Variants in CACNB2 observed in about 807,000 individuals in gnomAD.
The protein encoded by CACNB2 is calcium voltage-gated channel auxiliary subunit beta 2.
A neutral mutation model predicts 73.3 loss-of-function variants in CACNB2; 42 were observed. That is an observed-to-expected ratio of 0.57 (90% CI 0.45 to 0.74). CACNB2 has a LOEUF of 0.74. Ranked by LOEUF, CACNB2 falls within the 30% of genes least tolerant of loss-of-function variation. The pLI, the probability that CACNB2 is intolerant of heterozygous loss-of-function variation, is 0.00. For missense variants in CACNB2, 940 were observed against 853.0 expected, an observed-to-expected ratio of 1.10 and a Z score of -1.27; for synonymous variants, 348 against 310.3, an observed-to-expected ratio of 1.12 and a Z score of -1.28.
intron 2 of CACNB2, among the ~76,000 whole-genome samples, chr10:18,381,640 A>G (rs2043022401): frequency 6.6e-6 from 1 of 151,044 alleles, no homozygotes; most frequent in Non-Finnish European, 1.5e-5. Flanking sequence ...GTGAGCCGAG[A>G]TCAGGCCACT....
intron 2 of CACNB2, among the ~76,000 whole-genome samples, chr10:18,236,374 C>G (rs1235738596): frequency 1.3e-5 from 2 of 152,238 alleles, no homozygotes; most frequent in South Asian, 4.1e-4. Flanking sequence ...ATGGACATCT[C>G]TGTATTGATG....
intron 3 of CACNB2, among the ~76,000 whole-genome samples, chr10:18,442,479 G>A (rs551715313): frequency 6.6e-6 from 1 of 151,928 alleles, no homozygotes; most frequent in Admixed American, 6.5e-5. Flanking sequence ...CTCAGGCAGA[G>A]TAATCGTATT....
chr10:18,325,550 C>A (rs1012033810), intron 2 of CACNB2, among the ~76,000 whole-genome samples: 3 of 151,446 alleles, frequency 2.0e-5, no homozygotes, highest in Non-Finnish European at 4.4e-5. Flanking sequence ...TTTTCTTTTC[C>A]TTTTCTTTTC....
intron 2 of CACNB2, among the ~76,000 whole-genome samples, chr10:18,272,349 T>C (rs1399640968): frequency 6.6e-6 from 1 of 152,166 alleles, no homozygotes; most frequent in African/African-American, 2.4e-5. Flanking sequence ...ATGTGGGATC[T>C]CTCCCTTCCT....
chr10:18,361,198 A>T (rs989921047), intron 2 of CACNB2, among the ~76,000 whole-genome samples: 4 of 152,036 alleles, frequency 2.6e-5, no homozygotes, highest in Non-Finnish European at 5.9e-5. Context: ...ACCTTTATGT[A>T]GCCATCCTAA....
Position 18,519,796 on chromosome 10 carries a change from C to T in CACNB2, c.944+828C>T, listed in dbSNP as rs1051918531. 3 of 453,650 alleles carry T rather than the reference C, an allele frequency of 6.6e-6. No homozygotes were observed. In the Admixed American group the frequency reaches 7.1e-5, roughly 11 times the overall value. 28.1% of individuals were successfully genotyped at this position (453,650 alleles called of 1,614,324 possible). On this transcript the variant is annotated intron_variant, in intron 9 of 13. Coordinates refer to ENST00000324631, the MANE Select transcript of CACNB2 (RefSeq NM_201596.3). ...TACCCCAGTTATGTTTTCACCCACA[C>T]CACTCAGCTAAACTAGTCATGTCAA...
intron 2 of CACNB2, among the ~76,000 whole-genome samples, chr10:18,193,111 T>A (rs569398852): frequency 6.6e-6 from 1 of 152,192 alleles, no homozygotes; most frequent in Admixed American, 6.5e-5. Flanking sequence ...TTGAATACAA[T>A]GTATAATGAT....
rs536587933 is a variant in CACNB2, at chr10:18,463,297, G to A, written c.334-35058G>A. Among the ~76,000 whole-genome samples, 10 of 152,200 alleles carry A rather than the reference G, an allele frequency of 6.6e-5. No homozygotes were observed. In the South Asian group the frequency reaches 2.1e-3, roughly 32 times the overall value. ...CCAGCATTTTCGGAGGCTGAGGCAGGAGGATCATTTGAGCCCAGGAGTTCA... is the reference window on the plus strand; with the variant it reads ...CCAGCATTTTCGGAGGCTGAGGCAGAAGGATCATTTGAGCCCAGGAGTTCA... On this transcript the variant is annotated intron_variant, in intron 3 of 13. Transcript: ENST00000324631.
At chr10:18,199,375 T>G (rs184100418) in intron 2 of CACNB2, among the ~76,000 whole-genome samples, 215 of 151,802 alleles carry the variant, frequency 1.4e-3, no homozygotes, top group African/African-American at 5.0e-3. Flanking sequence ...CAGAGAAGGG[T>G]GAGAGGACAT....
At chr10:18,398,667 TCACACACACACACACA>T (rs755907676) in intron 2 of CACNB2, among the ~76,000 whole-genome samples, 1 of 132,296 alleles carries the variant, frequency 7.6e-6, no homozygotes, top group Non-Finnish European at 1.6e-5. Context: ...AGTGAGACTG[TCACACACACACACACA>T]CACACACATA....
intron 2 of CACNB2, among the ~76,000 whole-genome samples, chr10:18,394,996 G>C (rs917021821): frequency 2.0e-5 from 3 of 152,118 alleles, no homozygotes; most frequent in Non-Finnish European, 4.4e-5. Flanking sequence ...CCGAATTAAG[G>C]AACTCACACA....
rs1334316747 is a variant in CACNB2, at chr10:18,270,152, A to T, written c.213+119177A>T. Among the ~76,000 whole-genome samples the T allele has an allele frequency of 3.3e-5, 5 of 152,216 alleles. No homozygotes were observed. In the East Asian group the frequency reaches 9.6e-4, roughly 29 times the overall value. On this transcript the variant is annotated intron_variant, in intron 2 of 13. Transcript: ENST00000324631. Reference sequence around the variant, plus strand: ...CAGTCATGGCAGGAGGCAAAGGAGAAATAAGGACCTTCTTCACGTGGCGGC... The same window carrying T: ...CAGTCATGGCAGGAGGCAAAGGAGATATAAGGACCTTCTTCACGTGGCGGC...
chr10:18,405,883 G>A (rs1368951892), intron 3 of CACNB2, among the ~76,000 whole-genome samples: 1 of 152,132 alleles, frequency 6.6e-6, no homozygotes, highest in Non-Finnish European at 1.5e-5. Context: ...ACTTGACGCT[G>A]GGAGGGAAAG....
chr10:18,435,153 A>G (rs1386979156), intron 3 of CACNB2, among the ~76,000 whole-genome samples: 2 of 152,154 alleles, frequency 1.3e-5, no homozygotes, highest in African/African-American at 4.8e-5. Context: ...TCTGCGTGTC[A>G]CACAAGTGGC....
chr10:18,426,528 T>C (rs2045607116), intron 3 of CACNB2, among the ~76,000 whole-genome samples: 2 of 152,190 alleles, frequency 1.3e-5, no homozygotes, highest in Non-Finnish European at 2.9e-5. Flanking sequence ...AGGACAGTCA[T>C]AGCATGTGAA....
Position 18,214,228 on chromosome 10 carries a change from G to A in CACNB2, c.213+63253G>A, listed in dbSNP as rs1250831408. ...TTTTAAAACGGGGGCAGCACATCCC[G>A]GTTCTGATTTGGAAACAAGCATTGC... On this transcript the variant is annotated intron_variant, in intron 2 of 13. Coordinates refer to ENST00000324631, the MANE Select transcript of CACNB2 (RefSeq NM_201596.3). Among the ~76,000 whole-genome samples, 11 of 24,258 alleles carry A rather than the reference G, an allele frequency of 4.5e-4. 3 individuals carry two copies. Among genetic ancestry groups the A allele is most frequent in the African/African-American group, 5.8e-4 (9 of 15,570 alleles). The allele number at this position is 24,258 out of a possible 152,430, so 15.9% of individuals were successfully genotyped here.
chr10:18,257,810 C>G (rs535904527), intron 2 of CACNB2, among the ~76,000 whole-genome samples: 2 of 152,314 alleles, frequency 1.3e-5, no homozygotes, highest in South Asian at 4.1e-4. Context: ...GTGGCATGAT[C>G]TCGGCTCACT....
chr10:18,151,329 T>C, intron 2 of CACNB2: 1 of 206,504 alleles, frequency 4.8e-6, no homozygotes, highest in Non-Finnish European at 9.6e-6. Flanking sequence ...TCCCTACCTG[T>C]GAGATACTGG....
At chr10:18,345,593 G>A (rs559003476) in intron 2 of CACNB2, among the ~76,000 whole-genome samples, 7 of 152,100 alleles carry the variant, frequency 4.6e-5, no homozygotes, top group South Asian at 2.1e-4. Flanking sequence ...AACACACTCC[G>A]CTCCCTAAAA....
Sources: gnomAD v4.1 joint callset for allele counts (sites outside exome capture counted in the v4.1 genomes callset) on GRCh38, gnomAD v4.1.1 for gene constraint, MANE v1.5 for transcripts, NCBI Gene and HGNC (gene_info 2026-07-23, HGNC 2026-07-21) for gene names.